INTS9: variants seen among roughly 807,000 people sequenced by gnomAD.
The protein encoded by INTS9 is protein related to CPSF subunits of 74 kDa.
A neutral mutation model predicts 79.7 loss-of-function variants in INTS9; 55 were observed. That is an observed-to-expected ratio of 0.69 (90% CI 0.56 to 0.86). The LOEUF (loss-of-function observed/expected upper bound fraction) is 0.86. Among genes scored for constraint, INTS9 ranks in the 40% least tolerant of loss-of-function variants. INTS9 has a pLI of 0.00. For missense variants in INTS9, 721 were observed against 831.5 expected (o/e 0.87, Z 1.64); for synonymous variants, 319 against 325.2 (o/e 0.98, Z 0.20).
intron 8 of INTS9, among the ~76,000 whole-genome samples, chr8:28,799,215 G>A (rs747259594): frequency 2.0e-5 from 3 of 152,282 alleles, no homozygotes; most frequent in South Asian, 2.1e-4. Context: ...AGAATTGTTT[G>A]AACCCGGGAG....
chr8:28,851,388 A>G (rs1265387139), intron 2 of INTS9, among the ~76,000 whole-genome samples: 7 of 152,042 alleles, frequency 4.6e-5, no homozygotes, highest in Non-Finnish European at 8.8e-5. Context: ...CTATTTTCAG[A>G]AAAAAGTGAG....
At chr8:28,831,994 T>C (rs967884874) in intron 6 of INTS9, among the ~76,000 whole-genome samples, 1 of 152,128 alleles carries the variant, frequency 6.6e-6, no homozygotes, top group African/African-American at 2.4e-5. Context: ...CCTGAGCCAC[T>C]GCACCTGGCC....
At chr8:28,776,014 C>A in intron 13 of INTS9, 88 bp from the exon 14 acceptor site, 1 of 1,062,928 alleles carries the variant, frequency 9.4e-7, no homozygotes, top group Non-Finnish European at 1.3e-6. Context: ...ATCCACTCCC[C>A]GCCATTACAG....
At chr8:28,837,808 T>TG (rs751858719) in intron 4 of INTS9, 32 bp from the exon 5 acceptor site, 1 of 1,574,722 alleles carries the variant, frequency 6.4e-7, no homozygotes, top group African/African-American at 1.3e-5. Flanking sequence ...GATATATATC[T>TG]GTTCAGGGAT....
intron 1 of INTS9, among the ~76,000 whole-genome samples, chr8:28,865,365 G>C (rs1808682428): frequency 2.0e-5 from 3 of 151,906 alleles, no homozygotes; most frequent in Admixed American, 2.0e-4. Flanking sequence ...CCAGCTACTT[G>C]GGAGGTTGAG....
At chr8:28,860,543 C>T (rs1808407073) in intron 1 of INTS9, among the ~76,000 whole-genome samples, 1 of 150,918 alleles carries the variant, frequency 6.6e-6, no homozygotes, top group African/African-American at 2.4e-5. Flanking sequence ...GTGGTGTGAT[C>T]TCAGCTCACT....
chr8:28,813,943 TAG>T (rs1443520105), intron 6 of INTS9, among the ~76,000 whole-genome samples: 1 of 151,792 alleles, frequency 6.6e-6, no homozygotes, highest in Non-Finnish European at 1.5e-5. Context: ...GTATTTTTAG[TAG>T]AGATGGGGTT....
At chr8:28,865,209 T>C (rs564700050) in intron 1 of INTS9, among the ~76,000 whole-genome samples, 4 of 152,166 alleles carry the variant, frequency 2.6e-5, no homozygotes, top group African/African-American at 9.6e-5. Flanking sequence ...TTTTACAGTT[T>C]GTAAAACTAT....
chr8:28,882,273 C>T (rs1436452939), intron 1 of INTS9, among the ~76,000 whole-genome samples: 1 of 133,228 alleles, frequency 7.5e-6, no homozygotes, highest in South Asian at 2.4e-4. Flanking sequence ...CGTTAAGAGT[C>T]ATCACCACTC....
At chr8:28,841,937 C>T (rs1807209630) in intron 4 of INTS9, among the ~76,000 whole-genome samples, 1 of 151,948 alleles carries the variant, frequency 6.6e-6, no homozygotes, top group South Asian at 2.1e-4. Context: ...AATGTTTCAA[C>T]AATTAGCCAG....
intron 5 of INTS9, among the ~76,000 whole-genome samples, chr8:28,836,455 C>T (rs950447585): frequency 2.6e-5 from 4 of 152,180 alleles, no homozygotes; most frequent in East Asian, 1.9e-4. Context: ...ACTTAAATCC[C>T]CTCCAAGTTA....
intron 1 of INTS9, among the ~76,000 whole-genome samples, chr8:28,881,281 G>A (rs1227177426): frequency 2.7e-5 from 4 of 148,058 alleles, no homozygotes; most frequent in Non-Finnish European, 6.0e-5. Context: ...CCGGCCAGCC[G>A]CCCAGTCCGG....
At chr8:28,878,207 A>C (rs948888079) in intron 1 of INTS9, among the ~76,000 whole-genome samples, 3 of 152,362 alleles carry the variant, frequency 2.0e-5, no homozygotes, top group East Asian at 1.9e-4. Flanking sequence ...AACTATATAC[A>C]TGTACAAAAA....
Position 28,793,883 on chromosome 8 carries a change from G to C in INTS9, c.961C>G (p.Leu321Val). 1 of 1,613,924 alleles carries C rather than the reference G, an allele frequency of 6.2e-7. No individual in the cohort carries two copies. The highest frequency in any genetic ancestry group is 1.1e-5 in the South Asian group (1 of 91,076). ...ATGAAGTAGAGGGGGACGCTGGAAAGCCCGGCTGAGTCGATGTACTGATAT... is the reference window on the plus strand; with the variant it reads ...ATGAAGTAGAGGGGGACGCTGGAAACCCCGGCTGAGTCGATGTACTGATAT... ...CLYQYIDSAG[L>V]SSVPLYFISP... Residue 321 changes from leucine to valine, a missense_variant, in exon 10 of 17, where the codon CTT becomes GTT. This residue lies in a region of INTS9 where 149 missense variants were observed against 223.7 expected (regional missense o/e 0.67). Coordinates refer to ENST00000521022, the MANE Select transcript of INTS9 (RefSeq NM_018250.4).
At chr8:28,837,433 C>T (rs1314444038) in intron 5 of INTS9, among the ~76,000 whole-genome samples, 3 of 152,168 alleles carry the variant, frequency 2.0e-5, no homozygotes, top group African/African-American at 7.2e-5. Context: ...AGAAAAAAGA[C>T]CAACAAGACT....
intron 1 of INTS9, 181 bp downstream of exon 1, chr8:28,889,693 G>A (rs776710950): frequency 1.6e-5 from 10 of 612,722 alleles, no homozygotes; most frequent in Admixed American, 1.6e-4. Flanking sequence ...GGGATGGGGT[G>A]GGGGAGAGGG....
intron 1 of INTS9, among the ~76,000 whole-genome samples, chr8:28,882,281 C>A (rs1037516180): frequency 6.8e-5 from 9 of 132,992 alleles, no homozygotes; most frequent in Middle Eastern, 3.4e-3. Flanking sequence ...GTCATCACCA[C>A]TCCCTAATCT....
At chr8:28,863,345 T>C (rs1028426407) in intron 1 of INTS9, among the ~76,000 whole-genome samples, 2 of 152,252 alleles carry the variant, frequency 1.3e-5, no homozygotes, top group Non-Finnish European at 2.9e-5. Context: ...CAAGTTTTTC[T>C]GTGATCACAA....
At position 28,768,195 on chromosome 8, in the gene INTS9, A is replaced by G. The variant is rs773949783; in HGVS notation, c.1928T>C (p.Leu643Pro). The change falls in exon 17 of 17, where the codon CTC becomes CCC. Residue 643 changes from leucine (L) to proline (P), a missense_variant. Coordinates refer to ENST00000521022, the MANE Select transcript of INTS9 (RefSeq NM_018250.4). ...THIICDNDEM[L>P]RVRLRDLVLK... ...GACAAGGTCCCGCAGTCGCACTCTG[A>G]GCATCTCGTCATTGTCGCAGATGAT... 13 of 1,614,194 alleles carry G rather than the reference A, an allele frequency of 8.1e-6. No homozygotes were observed. The South Asian group carries it at 1.3e-4, about 16-fold the overall frequency.
Sources: allele counts gnomAD v4.1 joint callset (sites outside exome capture counted in the v4.1 genomes callset), GRCh38; gene constraint gnomAD v4.1.1; regional missense constraint gnomAD v4.1.1; transcripts MANE v1.5; gene names NCBI Gene and HGNC (gene_info 2026-07-23, HGNC 2026-07-21).